CASC3: variants seen among roughly 807,000 people sequenced by gnomAD.
CASC3 encodes the protein protein CASC3.
A neutral mutation model predicts 80.5 loss-of-function variants in CASC3; 30 were observed. That is an observed-to-expected ratio of 0.37 (90% confidence interval 0.28 to 0.51). The LOEUF (loss-of-function observed/expected upper bound fraction) is 0.51. Among genes scored for constraint, CASC3 ranks in the 20% least tolerant of loss-of-function variants. The pLI, the probability that CASC3 is intolerant of heterozygous loss-of-function variation, is 0.94. For synonymous variants in CASC3, 312 were observed against 333.6 expected (o/e 0.94, Z 0.70); for missense variants, 824 against 922.2 (o/e 0.89, Z 1.38).
At chr17:40,145,138 G>A (rs1988824900) in intron 3 of CASC3, among the ~76,000 whole-genome samples, 1 of 151,092 alleles carries the variant, frequency 6.6e-6, no homozygotes, top group Non-Finnish European at 1.5e-5. Context: ...TGGGATTACA[G>A]GCATGAGCCA....
At chr17:40,162,943 G>C (rs1319065890) in intron 6 of CASC3, 42 bp downstream of exon 6, 1 of 1,549,636 alleles carries the variant, frequency 6.5e-7, no homozygotes. Context: ...GGGTATGGTG[G>C]CTTACGGTGG....
rs1433764209 is a variant in CASC3, at chr17:40,170,707, G to A, written c.*302G>A. ...TCTGAGTCTAGATACAGAAGCCCAT[G>A]TCTTCTGCTGTTCTTCACTTCTGGG... On this transcript the variant is annotated 3_prime_UTR_variant, in exon 14 of 14. Coordinates refer to ENST00000264645, the MANE Select transcript of CASC3 (RefSeq NM_007359.5). 1.0e-6 allele frequency: 1 copy of A among 985,414 alleles called. No individual in the cohort carries two copies. 61.0% of individuals were successfully genotyped at this position (985,414 alleles called of 1,614,324 possible).
In CASC3 at chr17:40,168,416, A is replaced by G; in HGVS notation, c.1964A>G (p.Gln655Arg). 6.2e-7 allele frequency: 1 copy of G among 1,612,254 alleles called. No individual in the cohort carries two copies. Among genetic ancestry groups the G allele is most frequent in the South Asian group, 1.1e-5 (1 of 91,036 alleles). ...PPPPHLYPNTQAPSQVYGGVT... is the reference protein window; with the variant it reads ...PPPPHLYPNTRAPSQVYGGVT... ...CCGCCTCATCTGTATCCTAATACAC[A>G]GGTGAGATGGCTAATGATCATGTTT... The change falls in exon 11 of 14, where the codon CAG becomes CGG. Residue 655 changes from glutamine (Q) to arginine (R), a missense_variant and splice_region_variant. Coordinates refer to ENST00000264645, the MANE Select transcript of CASC3 (RefSeq NM_007359.5).
chr17:40,162,209 GGTACTTC>G, intron 5 of CASC3, 56 bp downstream of exon 5: 1 of 1,534,142 alleles, frequency 6.5e-7, no homozygotes, highest in Non-Finnish European at 8.8e-7. Context: ...ATGTAGGCCA[GGTACTTC>G]GATTTGCCTG....
At chr17:40,142,446 A>G (rs1424097857) in intron 3 of CASC3, among the ~76,000 whole-genome samples, 1 of 152,220 alleles carries the variant, frequency 6.6e-6, no homozygotes. Flanking sequence ...GCTGGGTAAG[A>G]TGTGTTCTAG....
At chr17:40,159,180 T>G (rs1989226375) in intron 3 of CASC3, among the ~76,000 whole-genome samples, 1 of 152,020 alleles carries the variant, frequency 6.6e-6, no homozygotes, top group Non-Finnish European at 1.5e-5. Context: ...AAGGCTATAG[T>G]CAGTTGAGAT....
chr17:40,161,644 A>G (rs1057421282), intron 3 of CASC3, 109 bp from the exon 4 acceptor site: 2 of 929,890 alleles, frequency 2.2e-6, no homozygotes, highest in African/African-American at 1.6e-5. Context: ...GTGCCACTGT[A>G]TTCCAGCCTG....
At chr17:40,165,440 C>G (rs1462238220) in intron 7 of CASC3, among the ~76,000 whole-genome samples, 2 of 152,112 alleles carry the variant, frequency 1.3e-5, no homozygotes, top group Non-Finnish European at 2.9e-5. Flanking sequence ...CTCCTGGGCT[C>G]AAGAGATCCT....
At chr17:40,146,831 C>T (rs545467502) in intron 3 of CASC3, among the ~76,000 whole-genome samples, 1 of 152,274 alleles carries the variant, frequency 6.6e-6, no homozygotes, top group East Asian at 1.9e-4. Flanking sequence ...GATCCTCCCA[C>T]CTTGGCCTCC....
intron 8 of CASC3, chr17:40,167,177 G>A (rs1989470818): frequency 2.0e-6 from 1 of 495,410 alleles, no homozygotes; most frequent in Admixed American, 3.8e-5. Flanking sequence ...GGCCAGGCTG[G>A]TCCTGACTCC....
At chr17:40,145,850 C>G (rs141070367) in intron 3 of CASC3, among the ~76,000 whole-genome samples, 1 of 151,844 alleles carries the variant, frequency 6.6e-6, no homozygotes, top group Non-Finnish European at 1.5e-5. Context: ...AGGCTGGTCT[C>G]GAACTCCTGA....
chr17:40,158,911 G>A (rs1190116227), intron 3 of CASC3, among the ~76,000 whole-genome samples: 2 of 152,058 alleles, frequency 1.3e-5, no homozygotes, highest in East Asian at 3.9e-4. Flanking sequence ...GAGGATAAGT[G>A]CATTGGGAAA....
Position 40,140,782 on chromosome 17 carries a change from G to T in CASC3, c.231+3G>T. ...AGAGTGCTGAGGAGTCGGAGTGTGT[G>T]AGTGCGCGCAGGCGGGGCGGGGTGG... On this transcript the variant is annotated splice_donor_region_variant and intron_variant, in intron 1 of 13. Transcript: ENST00000264645. 1 of 1,439,830 alleles carries T rather than the reference G, an allele frequency of 6.9e-7. No homozygotes were observed. The highest frequency in any genetic ancestry group is 1.5e-5 in the South Asian group (1 of 68,816). The allele number at this position is 1,439,830 out of a possible 1,614,324, so 89.2% of individuals were successfully genotyped here. A position where few individuals can be genotyped will look rare whatever the true frequency, so the allele number is the denominator to read the frequency against.
chr17:40,166,648 G>A (rs754282705), intron 7 of CASC3, 149 bp from the exon 8 acceptor site: 1 of 517,686 alleles, frequency 1.9e-6, no homozygotes. Flanking sequence ...GGTGTTGACA[G>A]AAAGCAGAGA....
At chr17:40,152,515 T>G (rs1989037652) in intron 3 of CASC3, among the ~76,000 whole-genome samples, 1 of 151,912 alleles carries the variant, frequency 6.6e-6, no homozygotes, top group African/African-American at 2.4e-5. Flanking sequence ...GAGGTGGAGT[T>G]TCTCCATGTT....
At chr17:40,168,460 T>G (rs761677259) in intron 11 of CASC3, 43 bp downstream of exon 11, 1 of 1,535,996 alleles carries the variant, frequency 6.5e-7, no homozygotes, top group Non-Finnish European at 9.0e-7. Flanking sequence ...ACACATTCTT[T>G]AATTCAGACA....
chr17:40,169,888 T>C (rs1989554269), intron 13 of CASC3, among the ~76,000 whole-genome samples: 1 of 151,160 alleles, frequency 6.6e-6, no homozygotes, highest in East Asian at 2.0e-4. Flanking sequence ...CCTAAGTAGC[T>C]AGGATTACAG....
intron 3 of CASC3, among the ~76,000 whole-genome samples, chr17:40,155,180 C>T (rs12939262): frequency 0.021 from 3,194 of 152,220 alleles, 58 homozygotes; most frequent in Non-Finnish European, 0.026. Context: ...TGAGCCACTG[C>T]GCCTGGCCAA....
Position 40,163,802 on chromosome 17 carries a change from A to G in CASC3, c.1107A>G (p.Pro369=), listed in dbSNP as rs775035888. The change falls in exon 7 of 14, where the codon CCA becomes CCG. Residue 369 remains proline, a synonymous_variant. Transcript: ENST00000264645. ...ATCCATCTCCAGAAGCAGATGCTCC[A>G]GTGCTTGGCAGTCCTGAGAAGGAAG... ...VRDPSPEADA[P]VLGSPEKEEA... 2.5e-6 allele frequency: 4 copies of G among 1,614,222 alleles called. No individual in the cohort carries two copies. The highest frequency in any genetic ancestry group is 3.4e-6 in the Non-Finnish European group (4 of 1,180,042).
Sources: allele counts gnomAD v4.1 joint callset (sites outside exome capture counted in the v4.1 genomes callset), GRCh38; gene constraint gnomAD v4.1.1; transcripts MANE v1.5; gene names NCBI Gene and HGNC (gene_info 2026-07-23, HGNC 2026-07-21).